Variants in PATJ observed in about 807,000 individuals in gnomAD.
The protein encoded by PATJ is inaD-like protein.
PATJ carries 190 observed loss-of-function variants against 224.9 expected under a neutral mutation model. The ratio of observed to expected loss-of-function variants is 0.84; its 90% CI spans 0.75 to 0.95. PATJ has a LOEUF of 0.95. PATJ is among the 40% of genes least tolerant of loss of function. The pLI is 0.00. For missense variants in PATJ, 2,121 were observed against 2,270.3 expected (o/e 0.93, Z 1.34); for synonymous variants, 769 against 820.3 (o/e 0.94, Z 1.07).
At chr1:62,130,897 G>A (rs572632380) in intron 41 of PATJ, among the ~76,000 whole-genome samples, 1 of 152,128 alleles carries the variant, frequency 6.6e-6, no homozygotes, top group South Asian at 2.1e-4. Context: ...GCAATTTGTG[G>A]TGTTTTACAT....
chr1:61,900,039 C>T (rs1670905499), intron 23 of PATJ, among the ~76,000 whole-genome samples: 1 of 152,152 alleles, frequency 6.6e-6, no homozygotes. Flanking sequence ...CTACCTTCCT[C>T]CCCTGGTGGA....
At chr1:61,790,222 A>AAG (rs1553161186) in intron 8 of PATJ, among the ~76,000 whole-genome samples, 1 of 150,794 alleles carries the variant, frequency 6.6e-6, no homozygotes, top group South Asian at 2.1e-4. Flanking sequence ...AAAAAAAAAA[A>AAG]AAGAAGAAGA....
intron 31 of PATJ, among the ~76,000 whole-genome samples, chr1:62,059,676 A>G (rs190075290): frequency 6.6e-6 from 1 of 152,304 alleles, no homozygotes; most frequent in Non-Finnish European, 1.5e-5. Context: ...AGAAAATTAT[A>G]TACATATAAA....
At chr1:61,975,634 C>T (rs1476963604) in intron 27 of PATJ, among the ~76,000 whole-genome samples, 3 of 151,994 alleles carry the variant, frequency 2.0e-5, no homozygotes, top group Non-Finnish European at 4.4e-5. Flanking sequence ...GGCCTGTCAG[C>T]CCTCCTTCCC....
chr1:61,782,695 G>A (rs11207833), intron 7 of PATJ, among the ~76,000 whole-genome samples: 5,746 of 152,150 alleles, frequency 0.038, 378 homozygotes, highest in African/African-American at 0.13. Context: ...GTAGCTAAAA[G>A]GCCTATCTCC....
At chr1:61,916,807 G>A (rs6672007) in intron 26 of PATJ, among the ~76,000 whole-genome samples, 6,458 of 152,180 alleles carry the variant, frequency 0.042, 445 homozygotes, top group African/African-American at 0.15. Context: ...GATAGTTTTG[G>A]GGGTAGGGAA....
rs928890807 is a variant in PATJ, at chr1:62,086,098, G to A, written c.4377+1450G>A. On this transcript the variant is annotated intron_variant, in intron 33 of 43. Transcript: ENST00000642238. This position sits in a 1 kb window ranked among gnomAD's most constrained non-coding sequence, Gnocchi z 4.0. ...CAAAATGCTGCAATTACAGGCATGA[G>A]CCACTGTGCCTGGCCAGGATGATTG... 5.3e-5 allele frequency among the ~76,000 whole-genome samples: 8 copies of A among 152,138 alleles called. No individual in the cohort carries two copies. Among genetic ancestry groups the A allele is most frequent in the Non-Finnish European group, 5.9e-5 (4 of 68,008 alleles).
chr1:61,845,971 G>A (rs1661881036), intron 17 of PATJ: 1 of 152,198 alleles, frequency 6.6e-6, no homozygotes, highest in African/African-American at 2.4e-5. Context: ...ACCACGAGGT[G>A]AGGGGTTTAG....
intron 26 of PATJ, among the ~76,000 whole-genome samples, chr1:61,925,567 A>G (rs1485973374): frequency 6.6e-6 from 1 of 152,218 alleles, no homozygotes; most frequent in Non-Finnish European, 1.5e-5. Context: ...TGGGTGCCAA[A>G]AAATCATGTA....
At chr1:62,147,103 T>C (rs563662674) in intron 41 of PATJ, among the ~76,000 whole-genome samples, 1 of 152,208 alleles carries the variant, frequency 6.6e-6, no homozygotes, top group South Asian at 2.1e-4. Flanking sequence ...AGGTAAGCAT[T>C]GGAGCTAGAG....
intron 28 of PATJ, among the ~76,000 whole-genome samples, chr1:62,015,485 A>G (rs965810119): frequency 2.6e-5 from 4 of 152,180 alleles, no homozygotes; most frequent in African/African-American, 9.6e-5. Context: ...AAACTGAGGC[A>G]CAGAGAACTG....
chr1:61,799,856 T>C (rs927987587), intron 11 of PATJ, among the ~76,000 whole-genome samples: 1 of 152,202 alleles, frequency 6.6e-6, no homozygotes, highest in South Asian at 2.1e-4. Context: ...TCCAGCACCA[T>C]TCATGTTGCT....
Position 61,898,649 on chromosome 1 carries a change from A to G in PATJ, c.3132-934A>G, listed in dbSNP as rs371040903. Among the ~76,000 whole-genome samples the G allele has an allele frequency of 5.2e-4, 79 of 152,214 alleles. 1 individual carries two copies. In the South Asian group the frequency reaches 0.015, roughly 30 times the overall value. On this transcript the variant is annotated intron_variant, in intron 22 of 43. Coordinates refer to ENST00000642238, the MANE Select transcript of PATJ (RefSeq NM_001350145.3). The stretch of plus-strand genomic sequence containing the variant: ...TTTAGCGGTCCAAAGCCACACACCT[A>G]TTTCATGGTATCAGTTAGACTTGAG...
chr1:62,093,609 A>G lies in PATJ; in HGVS notation c.4377+8961A>G, dbSNP rs546285677. ...TCAAAGCAGAGTTTGCAAAAAGTCT[A>G]TGAATCACAGTGAAAGAATGTTAAT... On this transcript the variant is annotated intron_variant, in intron 33 of 43. Transcript: ENST00000642238. 4.6e-5 allele frequency among the ~76,000 whole-genome samples: 7 copies of G among 152,338 alleles called. 1 individual carries two copies. The highest frequency in any genetic ancestry group is 1.9e-4 in the East Asian group (1 of 5,188).
At chr1:62,117,441 G>T in intron 37 of PATJ, 1 of 1,365,894 alleles carries the variant, frequency 7.3e-7, no homozygotes, top group Non-Finnish European at 9.4e-7. Context: ...ATGTTTTCTT[G>T]GAAGCTCTTT....
In PATJ at chr1:61,833,730, T is replaced by C. The variant is rs1659716987; in HGVS notation, c.2057T>C (p.Ile686Thr). Residue 686 changes from isoleucine to threonine, a missense_variant, in exon 17 of 44, where the codon ATT (isoleucine) becomes ACT (threonine). Ile to Thr is a moderately conservative substitution (Grantham distance 89, BLOSUM62 -1). Coordinates refer to ENST00000642238, the MANE Select transcript of PATJ (RefSeq NM_001350145.3). The part of the protein sequence containing the change: ...ELALWSPEVK[I>T]VELVKDCKGL... ...GCACTGTGGTCCCCTGAAGTCAAGA[T>C]TGTTGAACTAGTAAAAGATTGTAAA... The C allele has an allele frequency of 1.2e-6, 2 of 1,613,706 alleles. No homozygotes were observed. Among genetic ancestry groups the C allele is most frequent in the Admixed American group, 1.7e-5 (1 of 60,016 alleles).
intron 17 of PATJ, among the ~76,000 whole-genome samples, chr1:61,847,951 T>C (rs1378276414): frequency 6.6e-6 from 1 of 151,994 alleles, no homozygotes; most frequent in Non-Finnish European, 1.5e-5. Flanking sequence ...TTTTTTTTTA[T>C]AGTAAATACC....
chr1:61,783,590 A>G (rs755032412), intron 7 of PATJ, among the ~76,000 whole-genome samples: 1 of 150,432 alleles, frequency 6.6e-6, no homozygotes, highest in Non-Finnish European at 1.5e-5. Flanking sequence ...TTCATTTTTT[A>G]GTTTTTGAAG....
intron 28 of PATJ, among the ~76,000 whole-genome samples, chr1:62,005,610 T>C (rs2149635206): frequency 6.6e-6 from 1 of 152,062 alleles, no homozygotes; most frequent in Middle Eastern, 3.4e-3. Flanking sequence ...CCAAAAAAAT[T>C]AGCCAGGCGT....
Sources: allele counts gnomAD v4.1 joint callset (sites outside exome capture counted in the v4.1 genomes callset), GRCh38; gene constraint gnomAD v4.1.1; non-coding constraint Gnocchi (gnomAD v3.1); transcripts MANE v1.5; gene names NCBI Gene and HGNC (gene_info 2026-07-23, HGNC 2026-07-21).